The following SVIL variants were observed in gnomAD, a reference collection of about 807,000 sequenced individuals.
The protein encoded by SVIL is archvillin.
SVIL carries 101 observed loss-of-function variants against 240.4 expected under a neutral mutation model. The observed-to-expected ratio is 0.42, with a 90% CI of 0.36 to 0.50. The LOEUF (loss-of-function observed/expected upper bound fraction) is 0.50, where lower values mean the gene tolerates loss of function less well. SVIL is among the 20% of genes least tolerant of loss of function. The pLI is 0.01. For synonymous variants in SVIL, 999 were observed against 1,100.0 expected (o/e 0.91, Z 1.82); for missense variants, 2,512 against 2,818.7 (o/e 0.89, Z 2.46).
rs1957406196 is a variant in SVIL, at chr10:29,615,763, AAATATCAGGCAT to A, written c.-201+18645_-201+18656del. On this transcript the variant is annotated intron_variant, in intron 1 of 37. Coordinates refer to ENST00000355867, the MANE Select transcript of SVIL (RefSeq NM_021738.3). ...TTGGGCAGTAATGGTTAGAAGTCCT[AAATATCAGGCAT>A]AATATCAAATTTAAGTACAAAAATG... Among the ~76,000 whole-genome samples, 3 of 152,236 alleles carry A rather than the reference AAATATCAGGCAT, an allele frequency of 2.0e-5. No homozygotes were observed. In the South Asian group the frequency reaches 6.2e-4, roughly 31 times the overall value.
At position 29,532,609 on chromosome 10, in the gene SVIL, G is replaced by A; in HGVS notation, c.1758C>T (p.Ser586=). ...SKTEGPYGEI[S]MLDTKVSVAQ... is the part of the protein sequence containing the mutation. Reference sequence around the variant, plus strand: ...CGACAGAGACTTTTGTGTCCAGCATGCTGATCTCCCCATAAGGCCCTTCGG... The same window carrying A: ...CGACAGAGACTTTTGTGTCCAGCATACTGATCTCCCCATAAGGCCCTTCGG... Residue 586 remains serine, a synonymous_variant, in exon 8 of 38, where the codon AGC becomes AGT. Transcript: ENST00000355867. The A allele has an allele frequency of 1.9e-6, 3 of 1,614,112 alleles. No individual in the cohort carries two copies. Among genetic ancestry groups the A allele is most frequent in the Non-Finnish European group, 2.5e-6 (3 of 1,179,940 alleles).
chr10:29,617,029 CAACTCTT>C (rs985935787), intron 1 of SVIL, among the ~76,000 whole-genome samples: 22 of 152,174 alleles, frequency 1.4e-4, no homozygotes, highest in African/African-American at 5.1e-4. Context: ...GGCTGAAGTG[CAACTCTT>C]AACACCAGAG....
intron 1 of SVIL, among the ~76,000 whole-genome samples, chr10:29,704,297 A>G (rs1201305997): frequency 2.0e-5 from 3 of 152,158 alleles, no homozygotes; most frequent in East Asian, 3.8e-4. Context: ...GTGTGTGTGT[A>G]TGTGTGTTCA....
chr10:29,602,886 T>A (rs1956869737), intron 1 of SVIL, among the ~76,000 whole-genome samples: 3 of 152,080 alleles, frequency 2.0e-5, no homozygotes, highest in Admixed American at 6.5e-5. Flanking sequence ...CTTGGGAGGC[T>A]GAGGCAGGAG....
intron 30 of SVIL, among the ~76,000 whole-genome samples, chr10:29,472,292 A>G (rs1026589002): frequency 6.6e-6 from 1 of 152,246 alleles, no homozygotes; most frequent in Non-Finnish European, 1.5e-5. Flanking sequence ...GCTATTAGGA[A>G]TAAATTAAAA....
intron 1 of SVIL, among the ~76,000 whole-genome samples, chr10:29,704,050 G>A (rs113022409): frequency 3.9e-5 from 6 of 152,076 alleles, no homozygotes; most frequent in Non-Finnish European, 7.4e-5. Flanking sequence ...TAATTCTCCC[G>A]CCTCGGCCTC....
At chr10:29,706,640 G>A (rs1207960652) in intron 1 of SVIL, among the ~76,000 whole-genome samples, 1 of 152,174 alleles carries the variant, frequency 6.6e-6, no homozygotes, top group African/African-American at 2.4e-5. Context: ...TTGCTGTGCA[G>A]AAGCTCTTTA....
chr10:29,508,329 G>T, intron 17 of SVIL: 1 of 1,286,798 alleles, frequency 7.8e-7, no homozygotes, highest in Non-Finnish European at 1.0e-6. Context: ...ACCTGTGTTA[G>T]AGTCAGGCTT....
intron 2 of SVIL, among the ~76,000 whole-genome samples, chr10:29,661,232 A>G (rs150041352): frequency 6.6e-5 from 10 of 152,230 alleles, no homozygotes; most frequent in African/African-American, 1.9e-4. Context: ...TTGCTTAAAG[A>G]CAAAGGGAAA....
At chr10:29,719,330 T>C (rs963964940) in intron 1 of SVIL, among the ~76,000 whole-genome samples, 1 of 152,216 alleles carries the variant, frequency 6.6e-6, no homozygotes, top group African/African-American at 2.4e-5. Flanking sequence ...TAATTATCCC[T>C]GTCTAATTAG....
At chr10:29,539,165 T>TAATAAATAAATA (rs71020796) in intron 6 of SVIL, among the ~76,000 whole-genome samples, 5,903 of 149,122 alleles carry the variant, frequency 0.04, 147 homozygotes, top group Non-Finnish European at 0.054. Flanking sequence ...ACTCGGCCTC[T>TAATAAATAAATA]AATAAATAAA....
intron 2 of SVIL, among the ~76,000 whole-genome samples, chr10:29,686,390 T>A (rs1961071272): frequency 6.6e-6 from 1 of 152,188 alleles, no homozygotes; most frequent in Non-Finnish European, 1.5e-5. Context: ...GAAGAACATT[T>A]TAAGTTTTGT....
chr10:29,495,770 A>G (rs1588981290), intron 18 of SVIL, among the ~76,000 whole-genome samples: 1 of 152,196 alleles, frequency 6.6e-6, no homozygotes, highest in Admixed American at 6.5e-5. Flanking sequence ...TTTTCCTAGT[A>G]TATTTACCGA....
chr10:29,489,192 C>T (rs1446037691), intron 22 of SVIL, among the ~76,000 whole-genome samples: 1 of 152,230 alleles, frequency 6.6e-6, no homozygotes, highest in Non-Finnish European at 1.5e-5. Context: ...AAAGTAGACA[C>T]TCTGTAAGGG....
chr10:29,593,188 T>TA (rs1246908254), intron 1 of SVIL, among the ~76,000 whole-genome samples: 1 of 152,236 alleles, frequency 6.6e-6, no homozygotes, highest in Non-Finnish European at 1.5e-5. Context: ...CATTTTATAG[T>TA]AAAATCATAT....
chr10:29,480,369 T>C (rs527517188), intron 29 of SVIL, among the ~76,000 whole-genome samples, 168 bp downstream of exon 29: 263 of 152,274 alleles, frequency 1.7e-3, no homozygotes, highest in South Asian at 3.1e-3. Context: ...CGGCCTTACT[T>C]CTTTTCATCT....
chr10:29,480,669 T>C lies in SVIL; in HGVS notation c.5245A>G (p.Ile1749Val), dbSNP rs750701117. The C allele has an allele frequency of 9.3e-6, 15 of 1,614,066 alleles. No individual in the cohort carries two copies. Among genetic ancestry groups the C allele is most frequent in the Admixed American group, 1.7e-5 (1 of 60,008 alleles). The change falls in exon 29 of 38, where the codon ATC becomes GTC. Residue 1749 changes from isoleucine to valine, a missense_variant. Coordinates refer to ENST00000355867, the MANE Select transcript of SVIL (RefSeq NM_021738.3). The part of the protein sequence containing the change: ...VEGHDRRQFE[I>V]TSVSVDVWHI... ...CAGACATCCACGGAAACGCTGGTGA[T>C]CTCAAACTGCCTCCTGTCGTGTCCT...
chr10:29,551,072 C>T lies in SVIL; in HGVS notation c.352G>A (p.Glu118Lys), dbSNP rs763425306. The T allele has an allele frequency of 1.2e-6, 2 of 1,614,202 alleles. No homozygotes were observed. The highest frequency in any genetic ancestry group is 2.2e-5 in the South Asian group (2 of 91,084). Residue 118 changes from glutamate to lysine, a missense_variant, in exon 6 of 38, where the codon GAG (glutamate) becomes AAG (lysine). Glu to Lys is a moderately conservative substitution (Grantham distance 56). Coordinates refer to ENST00000355867, the MANE Select transcript of SVIL (RefSeq NM_021738.3). ...GGATCCAGAGTCAGCCCATACTTCT[C>T]TGCCAGCTGTCGCCTTCTTTCTGCT... ...YKAERRRQLA[E>K]KYGLTLDPEA...
chr10:29,554,340 A>C (rs1953698877), intron 5 of SVIL, among the ~76,000 whole-genome samples: 1 of 151,940 alleles, frequency 6.6e-6, no homozygotes, highest in African/African-American at 2.4e-5. Context: ...TAAACAAAAA[A>C]CAAATACATT....
Sources: gnomAD v4.1 joint callset for allele counts (sites outside exome capture counted in the v4.1 genomes callset) on GRCh38, gnomAD v4.1.1 for gene constraint, MANE v1.5 for transcripts, NCBI Gene and HGNC (gene_info 2026-07-23, HGNC 2026-07-21) for gene names.